Variants in CIST1 observed in about 807,000 individuals in gnomAD.
CIST1 encodes uncharacterized LOC729966.
chr19:18,250,372 C>G, the CIST1 span: 2 of 399,048 alleles, frequency 5.0e-6, no homozygotes, highest in Admixed American at 4.4e-5. Context: ...ATCTCACAGC[C>G]ATGACCACAG....
chr19:18,252,401 GT>G, the CIST1 span: 6 of 399,046 alleles, frequency 1.5e-5, no homozygotes, highest in Non-Finnish European at 2.7e-5. Flanking sequence ...TGTGGGTGCT[GT>G]GGGCGAAGGG....
chr19:18,255,164 T>C, the CIST1 span: 1 of 398,262 alleles, frequency 2.5e-6, no homozygotes, highest in Non-Finnish European at 4.4e-6. This position sits in a 1 kb window ranked among gnomAD's most constrained non-coding sequence, Gnocchi z 4.6. Flanking sequence ...GGGCTGTGCG[T>C]CCCCCACCCC....
At chr19:18,254,886 A>C in the CIST1 span, among the ~76,000 whole-genome samples, 1 of 152,222 alleles carries the variant, frequency 6.6e-6, no homozygotes, top group South Asian at 2.1e-4. Context: ...CATGGCCCTG[A>C]GGTCTTCACC....
the CIST1 span, among the ~76,000 whole-genome samples, chr19:18,252,801 T>A: frequency 4.6e-5 from 7 of 152,058 alleles, no homozygotes; most frequent in Non-Finnish European, 1.0e-4. Context: ...CATTTTTAGT[T>A]TCACTGTGCT....
chr19:18,252,618 T>TC, the CIST1 span: 31 of 239,916 alleles, frequency 1.3e-4, no homozygotes, highest in Non-Finnish European at 2.0e-4. Flanking sequence ...CTCTCTCTCT[T>TC]TTTTTTTTTC....
At chr19:18,251,473 C>T in the CIST1 span, among the ~76,000 whole-genome samples, 1 of 151,816 alleles carries the variant, frequency 6.6e-6, no homozygotes, top group Non-Finnish European at 1.5e-5. Flanking sequence ...CTTACTCTGC[C>T]ACCCAGGCTG....
the CIST1 span, chr19:18,249,967 C>G: frequency 2.5e-6 from 1 of 396,240 alleles, no homozygotes; most frequent in Non-Finnish European, 4.4e-6. Context: ...GCACAGAGCC[C>G]AGCACATAGT....
chr19:18,252,617 T>TC, the CIST1 span: 113,004 of 323,038 alleles, frequency 0.35, 14,421 homozygotes, highest in South Asian at 0.45. Flanking sequence ...TCTCTCTCTC[T>TC]TTTTTTTTTT....
chr19:18,254,032 A>G, the CIST1 span, among the ~76,000 whole-genome samples: 1 of 152,160 alleles, frequency 6.6e-6, no homozygotes, highest in South Asian at 2.1e-4. Context: ...GGCTGGGTCC[A>G]CATGCCACCC....
chr19:18,255,059 G>A, the CIST1 span, among the ~76,000 whole-genome samples: 1 of 152,218 alleles, frequency 6.6e-6, no homozygotes, highest in Non-Finnish European at 1.5e-5. The surrounding 1 kb of genome is among the most constrained non-coding windows in gnomAD (Gnocchi z 4.6). Context: ...CCTCACAGCT[G>A]CTCCGTTTGT....
the CIST1 span, chr19:18,252,204 G>A: frequency 7.5e-6 from 3 of 399,018 alleles, no homozygotes; most frequent in African/African-American, 2.1e-5. Context: ...CTCTGCACTG[G>A]GGGAGCCAGA....
the CIST1 span, among the ~76,000 whole-genome samples, chr19:18,254,707 G>C: frequency 6.6e-6 from 1 of 152,190 alleles, no homozygotes; most frequent in African/African-American, 2.4e-5. Flanking sequence ...ATAGTGGCAG[G>C]TAAAGGGCAG....
chr19:18,251,553 G>A, the CIST1 span, among the ~76,000 whole-genome samples: 1 of 151,838 alleles, frequency 6.6e-6, no homozygotes, highest in Non-Finnish European at 1.5e-5. Flanking sequence ...TCCTGCCTCA[G>A]CCTCCCGAGT....
chr19:18,252,289 G>A, the CIST1 span: 145 of 399,160 alleles, frequency 3.6e-4, 1 homozygote, highest in Non-Finnish European at 5.9e-4. Flanking sequence ...GGGCTCGGCT[G>A]GATGGTAGGG....
At chr19:18,252,004 A>G in the CIST1 span, 1 of 398,582 alleles carries the variant, frequency 2.5e-6, no homozygotes, top group Non-Finnish European at 4.4e-6. Flanking sequence ...GTCAGTTCCA[A>G]AACTGCAGCC....
the CIST1 span, among the ~76,000 whole-genome samples, chr19:18,252,918 AT>A: frequency 6.6e-6 from 1 of 151,976 alleles, no homozygotes; most frequent in African/African-American, 2.4e-5. Flanking sequence ...TTTCATTTTT[AT>A]TTTTAATTAA....
At chr19:18,254,345 G>A in the CIST1 span, among the ~76,000 whole-genome samples, 1 of 152,236 alleles carries the variant, frequency 6.6e-6, no homozygotes, top group Non-Finnish European at 1.5e-5. Flanking sequence ...GAAAAAGGAA[G>A]AGTTGGAGGA....
chr19:18,253,466 G>A, the CIST1 span, among the ~76,000 whole-genome samples: 4 of 151,726 alleles, frequency 2.6e-5, no homozygotes, highest in South Asian at 2.1e-4. Flanking sequence ...TGGGAGGATC[G>A]CTTGAGTCCA....
chr19:18,250,251 A>G, the CIST1 span: 4,644 of 399,032 alleles, frequency 0.012, 205 homozygotes, highest in African/African-American at 0.087. Context: ...TGCTTGGGAT[A>G]GCAGCTCCCC....
Sources: allele counts gnomAD v4.1 joint callset (sites outside exome capture counted in the v4.1 genomes callset), GRCh38; gene constraint gnomAD v4.1.1; non-coding constraint Gnocchi (gnomAD v3.1); transcripts MANE v1.5; gene names NCBI Gene and HGNC (gene_info 2026-07-23, HGNC 2026-07-21).